The following TG variants were observed in gnomAD, a reference collection of about 807,000 sequenced individuals.
TG encodes thyroid hormones.
In TG, 270 loss-of-function variants were observed where a neutral mutation model predicts 324.7. That is an observed-to-expected ratio of 0.83 (90% confidence interval 0.75 to 0.92). The LOEUF is 0.92. Ranked by LOEUF, TG falls within the 40% of genes least tolerant of loss-of-function variation. The pLI, the probability that TG is intolerant of heterozygous loss-of-function variation, is 0.00. For synonymous variants in TG, 1,401 were observed against 1,327.0 expected, an observed-to-expected ratio of 1.06 and a Z score of -1.21; for missense variants, 3,591 against 3,456.4, an observed-to-expected ratio of 1.04 and a Z score of -0.98.
intron 38 of TG, among the ~76,000 whole-genome samples, chr8:133,019,379 T>C (rs1006393166): frequency 6.6e-6 from 1 of 152,248 alleles, no homozygotes; most frequent in African/African-American, 2.4e-5. Context: ...CTCTGGGGAA[T>C]GTTCTTCCAC....
At chr8:132,868,676 C>G (rs536295254) in intron 2 of TG, among the ~76,000 whole-genome samples, 2 of 152,148 alleles carry the variant, frequency 1.3e-5, no homozygotes, top group African/African-American at 4.8e-5. Flanking sequence ...CGACCCTGCC[C>G]GGACTAGCTC....
chr8:132,918,934 T>C lies in TG; in HGVS notation c.4379-442T>C, dbSNP rs981785841. Among the ~76,000 whole-genome samples, 18 of 152,190 alleles carry C rather than the reference T, an allele frequency of 1.2e-4. 1 individual carries two copies. Among genetic ancestry groups the C allele is most frequent in the African/African-American group, 4.3e-4 (18 of 41,446 alleles). On this transcript the variant is annotated intron_variant, in intron 20 of 47. Coordinates refer to ENST00000220616, the MANE Select transcript of TG (RefSeq NM_003235.5). ...ATGGGGATAAAATACAGACTTTCCA[T>C]GGGTGTGATGTATTAATGTATGTAA...
chr8:132,970,081 G>A (rs2130513480), intron 32 of TG, among the ~76,000 whole-genome samples: 1 of 152,052 alleles, frequency 6.6e-6, no homozygotes, highest in South Asian at 2.1e-4. Flanking sequence ...GAGCCACCGA[G>A]CATTATTTAA....
intron 43 of TG, among the ~76,000 whole-genome samples, chr8:133,105,609 G>A (rs145502891): frequency 1.3e-5 from 2 of 152,272 alleles, no homozygotes; most frequent in East Asian, 1.9e-4. Context: ...TCCAGGTGAT[G>A]TGAGGCATTT....
At chr8:133,035,805 A>G (rs1837057560) in intron 41 of TG, among the ~76,000 whole-genome samples, 1 of 152,184 alleles carries the variant, frequency 6.6e-6, no homozygotes, top group Non-Finnish European at 1.5e-5. Context: ...TTTGTGTGTC[A>G]ATAGACAATA....
intron 45 of TG, among the ~76,000 whole-genome samples, chr8:133,129,383 A>G (rs1239545930): frequency 6.6e-6 from 1 of 152,230 alleles, no homozygotes; most frequent in Non-Finnish European, 1.5e-5. Flanking sequence ...ATTGCTTCCC[A>G]GCACCATGCT....
At chr8:133,079,830 G>A (rs1845475903) in intron 41 of TG, among the ~76,000 whole-genome samples, 1 of 151,934 alleles carries the variant, frequency 6.6e-6, no homozygotes, top group Non-Finnish European at 1.5e-5. Flanking sequence ...TGAATGCAAG[G>A]CATGACACTT....
chr8:132,894,657 C>A (rs1421124034), intron 11 of TG, among the ~76,000 whole-genome samples: 2 of 152,166 alleles, frequency 1.3e-5, no homozygotes, highest in East Asian at 3.9e-4. Flanking sequence ...AACAGGATTT[C>A]ACCATGTTGG....
intron 41 of TG, among the ~76,000 whole-genome samples, chr8:133,036,489 G>A (rs1433247946): frequency 1.3e-5 from 2 of 152,142 alleles, no homozygotes; most frequent in Non-Finnish European, 2.9e-5. Context: ...TCAGAATTTG[G>A]TGTTTCCTTC....
intron 10 of TG, among the ~76,000 whole-genome samples, chr8:132,892,477 G>T (rs1031030838): frequency 4.6e-5 from 7 of 152,258 alleles, no homozygotes. Context: ...TGCTCAGGAT[G>T]ATGCCCAGCA....
intron 20 of TG, among the ~76,000 whole-genome samples, chr8:132,914,063 C>G (rs1351668481): frequency 1.3e-5 from 2 of 152,172 alleles, no homozygotes; most frequent in Non-Finnish European, 2.9e-5. Context: ...TCCTCTGACT[C>G]TCTTTTACCT....
chr8:133,051,296 GGAGAT>G (rs1196512558), intron 41 of TG, among the ~76,000 whole-genome samples: 2 of 152,130 alleles, frequency 1.3e-5, no homozygotes, highest in African/African-American at 4.8e-5. Flanking sequence ...CCTTAGGAGA[GGAGAT>G]GAGAGTATGT....
chr8:133,035,882 T>C (rs1837064883), intron 41 of TG, among the ~76,000 whole-genome samples: 1 of 152,184 alleles, frequency 6.6e-6, no homozygotes, highest in Non-Finnish European at 1.5e-5. Context: ...AGTGAAATGG[T>C]CTTACCCCCT....
chr8:133,082,463 G>A (rs1471977629), intron 41 of TG, among the ~76,000 whole-genome samples: 1 of 152,138 alleles, frequency 6.6e-6, no homozygotes, highest in Non-Finnish European at 1.5e-5. Flanking sequence ...TTGATTCCCT[G>A]CAGCATTGGG....
At chr8:133,076,865 T>C (rs970754183) in intron 41 of TG, 1 of 151,470 alleles carries the variant, frequency 6.6e-6, no homozygotes, top group Non-Finnish European at 1.5e-5. Context: ...AAAGTGTGGG[T>C]CACGGGAAAA....
At chr8:133,029,752 C>T in intron 40 of TG, 69 bp from the exon 41 acceptor site, 1 of 1,598,032 alleles carries the variant, frequency 6.3e-7, no homozygotes, top group Non-Finnish European at 8.6e-7. Context: ...CTGCCATAGA[C>T]AGCACCATGA....
chr8:133,049,817 A>G (rs762197278), intron 41 of TG: 4 of 940,024 alleles, frequency 4.3e-6, no homozygotes, highest in Non-Finnish European at 7.0e-6. Flanking sequence ...CCTTACCACT[A>G]TGAATGCTGG....
chr8:132,908,417 C>T, intron 18 of TG, 77 bp downstream of exon 18: 1 of 1,144,732 alleles, frequency 8.7e-7, no homozygotes, highest in South Asian at 1.3e-5. Context: ...TGAGGGCTCA[C>T]ATTAACACAG....
At chr8:133,013,803 A>T in intron 37 of TG, 39 bp downstream of exon 37, 1 of 1,595,588 alleles carries the variant, frequency 6.3e-7, no homozygotes, top group South Asian at 1.1e-5. Flanking sequence ...ATCCTGGGAA[A>T]CTGGGTCTGG....
Sources: allele counts gnomAD v4.1 joint callset (sites outside exome capture counted in the v4.1 genomes callset), GRCh38; gene constraint gnomAD v4.1.1; transcripts MANE v1.5; gene names NCBI Gene and HGNC (gene_info 2026-07-23, HGNC 2026-07-21).